PHACTR1: variants seen among roughly 807,000 people sequenced by gnomAD.
The protein encoded by PHACTR1 is RPEL repeat containing 1.
In PHACTR1, 16 loss-of-function variants were observed where a neutral mutation model predicts 69.2. The observed-to-expected ratio is 0.23, with a 90% CI of 0.16 to 0.35. The LOEUF (loss-of-function observed/expected upper bound fraction) is 0.35, where lower values mean the gene tolerates loss of function less well. Among genes scored for constraint, PHACTR1 ranks in the 10% least tolerant of loss-of-function variants. PHACTR1 has a pLI of 1.00. For missense variants in PHACTR1, 510 were observed against 734.7 expected, an observed-to-expected ratio of 0.69 and a Z score of 3.54; for synonymous variants, 312 against 284.5, an observed-to-expected ratio of 1.10 and a Z score of -0.97.
At chr6:13,241,272 G>A (rs1012610465) in intron 10 of PHACTR1, among the ~76,000 whole-genome samples, 11 of 152,224 alleles carry the variant, frequency 7.2e-5, no homozygotes, top group African/African-American at 2.4e-4. Context: ...ACCTGTGCCT[G>A]TTGCAATGTG....
intron 4 of PHACTR1, among the ~76,000 whole-genome samples, chr6:12,865,325 A>G (rs1206664414): frequency 3.3e-5 from 5 of 152,208 alleles, no homozygotes; most frequent in African/African-American, 4.8e-5. Flanking sequence ...CAATGATGGT[A>G]TCATGGGAGC....
chr6:12,938,688 C>T (rs1021309113), intron 4 of PHACTR1, among the ~76,000 whole-genome samples: 7 of 152,134 alleles, frequency 4.6e-5, no homozygotes, highest in East Asian at 1.9e-4. Context: ...CCAAAAGCTT[C>T]CTCCTGCTTC....
intron 4 of PHACTR1, among the ~76,000 whole-genome samples, chr6:12,842,842 G>A (rs1289017295): frequency 6.6e-6 from 1 of 152,110 alleles, no homozygotes; most frequent in African/African-American, 2.4e-5. Context: ...ACCACACCCG[G>A]CCTAAAGGTG....
chr6:12,897,607 G>C (rs1784788242), intron 4 of PHACTR1, among the ~76,000 whole-genome samples: 1 of 151,730 alleles, frequency 6.6e-6, no homozygotes, highest in Admixed American at 6.6e-5. Flanking sequence ...TCCTCAATTT[G>C]GCTGTAGCCT....
chr6:13,027,819 G>A (rs532787680), intron 4 of PHACTR1, among the ~76,000 whole-genome samples: 16 of 152,218 alleles, frequency 1.1e-4, no homozygotes, highest in African/African-American at 3.6e-4. Context: ...GGGATTACAG[G>A]CATGCGCCAC....
chr6:13,005,237 A>G (rs572182536), intron 4 of PHACTR1, among the ~76,000 whole-genome samples: 82 of 150,158 alleles, frequency 5.5e-4, no homozygotes, highest in Middle Eastern at 6.9e-3. Flanking sequence ...GCCTAGGCTG[A>G]CCTTGAACTT....
rs1554130095 is a variant in PHACTR1 at position 13,109,856 on chromosome 6, G to GTGTGTGTGTGTC, written c.416-50341_416-50340insGTGTCTGTGTGT. 2.2e-3 allele frequency among the ~76,000 whole-genome samples: 331 copies of GTGTGTGTGTGTC among 150,692 alleles called. 2 individuals are homozygous for GTGTGTGTGTGTC. Among genetic ancestry groups the GTGTGTGTGTGTC allele is most frequent in the African/African-American group, 7.5e-3 (308 of 40,888 alleles). The stretch of plus-strand genomic sequence containing the variant: ...AGCGTGTGTGTGTGTGTGTGTGTGT[G>GTGTGTGTGTGTC]TGTGTGTCTGTGTGTTTCAGTTTGG... On this transcript the variant is annotated intron_variant, in intron 5 of 14. Transcript: ENST00000332995.
intron 4 of PHACTR1, among the ~76,000 whole-genome samples, chr6:13,023,955 T>A (rs904382691): frequency 2.6e-5 from 4 of 152,062 alleles, no homozygotes; most frequent in African/African-American, 9.7e-5. Context: ...CACTTGCCTA[T>A]AATTCCAGCT....
intron 4 of PHACTR1, among the ~76,000 whole-genome samples, chr6:13,008,197 G>A (rs753730597): frequency 2.0e-5 from 3 of 152,140 alleles, no homozygotes; most frequent in African/African-American, 7.2e-5. Context: ...AGGAACTTTC[G>A]CTTTAGGCTT....
chr6:12,783,232 C>G (rs533749108), intron 4 of PHACTR1, among the ~76,000 whole-genome samples: 10 of 152,222 alleles, frequency 6.6e-5, no homozygotes, highest in African/African-American at 2.4e-4. Flanking sequence ...GTAGGTTGCA[C>G]GAAAGGCACA....
rs1357558027 is a variant in PHACTR1, at chr6:12,733,403, T to A, written c.103+14556T>A. On this transcript the variant is annotated intron_variant, in intron 3 of 14. Transcript: ENST00000332995. ...GAGTTAGATATTATTGCCCCCAATTTATAAGAAACTAAACCTCAGAATGAT... is the reference window on the plus strand; with the variant it reads ...GAGTTAGATATTATTGCCCCCAATTAATAAGAAACTAAACCTCAGAATGAT... Among the ~76,000 whole-genome samples the A allele has an allele frequency of 2.6e-5, 4 of 152,336 alleles. No individual in the cohort carries two copies. In the East Asian group the frequency reaches 5.8e-4, roughly 22 times the overall value.
chr6:13,194,494 A>C (rs1459216896), intron 7 of PHACTR1, among the ~76,000 whole-genome samples: 1 of 150,922 alleles, frequency 6.6e-6, no homozygotes, highest in Non-Finnish European at 1.5e-5. Flanking sequence ...AAAAAAAAAA[A>C]CTAACTGAAT....
At chr6:13,232,705 CT>C (rs1325250635) in intron 10 of PHACTR1, among the ~76,000 whole-genome samples, 1 of 151,884 alleles carries the variant, frequency 6.6e-6, no homozygotes, top group Non-Finnish European at 1.5e-5. Context: ...ATGATCCTGG[CT>C]TCCCCAATCT....
chr6:13,189,988 A>G (rs748160607), intron 7 of PHACTR1, among the ~76,000 whole-genome samples: 6 of 149,026 alleles, frequency 4.0e-5, no homozygotes, highest in Non-Finnish European at 5.9e-5. Context: ...CTCACATAAC[A>G]GGGAGAGAGA....
intron 10 of PHACTR1, among the ~76,000 whole-genome samples, chr6:13,260,211 G>A (rs920624146): frequency 6.6e-6 from 1 of 152,294 alleles, no homozygotes; most frequent in East Asian, 1.9e-4. Context: ...CTTCATGTAC[G>A]CAGGTATCAC....
Position 13,206,126 on chromosome 6 carries a change from A to T in PHACTR1, c.976A>T (p.Arg326Trp). The stretch of plus-strand genomic sequence containing the variant: ...CAAAACGCTGGCCATGACCATGCAG[A>T]GGCTGGAAAGGTAAAGGTGGGCACC... ...LNKTLAMTMQRLESSEQRVPC... is the reference protein window; with the variant it reads ...LNKTLAMTMQWLESSEQRVPC... The change falls in exon 8 of 15, where the codon AGG becomes TGG. Residue 326 changes from arginine to tryptophan, a missense_variant. Physicochemically the swap from Arg to Trp is moderately radical, Grantham distance 101. Transcript: ENST00000332995. The T allele has an allele frequency of 6.3e-7, 1 of 1,591,946 alleles. No individual in the cohort carries two copies.
chr6:12,923,386 T>C (rs956027500), intron 4 of PHACTR1, among the ~76,000 whole-genome samples: 1 of 152,254 alleles, frequency 6.6e-6, no homozygotes, highest in Non-Finnish European at 1.5e-5. Context: ...AAATATTACA[T>C]GCTATAATTT....
chr6:13,060,408 G>A (rs7755806), intron 5 of PHACTR1, among the ~76,000 whole-genome samples: 121,887 of 152,092 alleles, frequency 0.8, 48,995 homozygotes, highest in East Asian at 0.93. Context: ...AGGGGGTTGT[G>A]TGTGTGTCTT....
At chr6:12,767,147 C>A (rs1768732787) in intron 4 of PHACTR1, among the ~76,000 whole-genome samples, 1 of 152,196 alleles carries the variant, frequency 6.6e-6, no homozygotes, top group Non-Finnish European at 1.5e-5. Context: ...AGCATTTCCA[C>A]ATTTCCCAGC....
Sources: allele counts gnomAD v4.1 joint callset (sites outside exome capture counted in the v4.1 genomes callset), GRCh38; gene constraint gnomAD v4.1.1; transcripts MANE v1.5; gene names NCBI Gene and HGNC (gene_info 2026-07-23, HGNC 2026-07-21).